Variants in SAMSN1 observed in about 807,000 individuals in gnomAD.
SAMSN1 encodes SAM domain, SH3 domain and nuclear localization signals 1.
SAMSN1 carries 31 observed loss-of-function variants against 42.0 expected under a neutral mutation model. The observed-to-expected ratio is 0.74, with a 90% CI of 0.55 to 1.00. The LOEUF is 1.00. Ranked by LOEUF, SAMSN1 falls within the 50% of genes least tolerant of loss-of-function variation. The pLI is 0.00. For synonymous variants in SAMSN1, 178 were observed against 151.9 expected, an observed-to-expected ratio of 1.17 and a Z score of -1.26; for missense variants, 464 against 439.4, an observed-to-expected ratio of 1.06 and a Z score of -0.50.
intron 5 of SAMSN1, among the ~76,000 whole-genome samples, chr21:14,504,219 C>A (rs1285851265): frequency 6.6e-6 from 1 of 152,144 alleles, no homozygotes; most frequent in African/African-American, 2.4e-5. Context: ...AAAAAAATCA[C>A]ACTAGCTCAC....
chr21:14,493,189 A>G (rs1986768056), intron 7 of SAMSN1, among the ~76,000 whole-genome samples: 1 of 152,186 alleles, frequency 6.6e-6, no homozygotes, highest in Non-Finnish European at 1.5e-5. Context: ...CACAGCTGGT[A>G]TCAACATTCT....
At chr21:14,536,613 T>C (rs1220619307) in intron 1 of SAMSN1, among the ~76,000 whole-genome samples, 1 of 152,182 alleles carries the variant, frequency 6.6e-6, no homozygotes, top group East Asian at 1.9e-4. Context: ...AGAGAAGTGG[T>C]CAAGGCTAAA....
chr21:14,615,581 T>A (rs1037330722), intron 3 of SAMSN1, among the ~76,000 whole-genome samples: 1 of 152,190 alleles, frequency 6.6e-6, no homozygotes, highest in African/African-American at 2.4e-5. Flanking sequence ...ATGTGCTGAA[T>A]GTAAAGCCAG....
At chr21:14,618,900 A>G (rs1982928826) in intron 2 of SAMSN1, among the ~76,000 whole-genome samples, 1 of 152,206 alleles carries the variant, frequency 6.6e-6, no homozygotes, top group Non-Finnish European at 1.5e-5. Context: ...CCTTTCATTC[A>G]CTAGGGAATG....
intron 3 of SAMSN1, among the ~76,000 whole-genome samples, chr21:14,514,736 G>C (rs1030322107): frequency 1.3e-5 from 2 of 152,056 alleles, no homozygotes; most frequent in African/African-American, 4.8e-5. Flanking sequence ...GGGAATACTG[G>C]ATGAGAAAAC....
At chr21:14,578,127 C>T (rs1981567701) in intron 2 of SAMSN1, among the ~76,000 whole-genome samples, 1 of 152,162 alleles carries the variant, frequency 6.6e-6, no homozygotes, top group South Asian at 2.1e-4. Context: ...AACACTATTT[C>T]ACTAAATTTT....
chr21:14,595,155 A>G (rs1484931521), intron 6 of SAMSN1, among the ~76,000 whole-genome samples: 2 of 152,018 alleles, frequency 1.3e-5, no homozygotes, highest in African/African-American at 4.8e-5. Flanking sequence ...TGATCTAATC[A>G]CCTCCTACCA....
At chr21:14,640,840 A>G (rs1400151693) in intron 2 of SAMSN1, among the ~76,000 whole-genome samples, 1 of 152,114 alleles carries the variant, frequency 6.6e-6, no homozygotes, top group Admixed American at 6.6e-5. Flanking sequence ...TTGTATGTAT[A>G]CATATATTTT....
At chr21:14,496,931 C>T (rs1049889810) in intron 7 of SAMSN1, among the ~76,000 whole-genome samples, 2 of 152,166 alleles carry the variant, frequency 1.3e-5, no homozygotes, top group African/African-American at 2.4e-5. Flanking sequence ...GTATAGGAAA[C>T]GTGTGCTCTA....
At chr21:14,637,686 T>G (rs1983500411) in intron 2 of SAMSN1, among the ~76,000 whole-genome samples, 1 of 152,148 alleles carries the variant, frequency 6.6e-6, no homozygotes, top group African/African-American at 2.4e-5. Flanking sequence ...TAATCTTGCT[T>G]GTTTTGGTCA....
At chr21:14,649,688 T>G (rs1263979346) in intron 1 of SAMSN1, among the ~76,000 whole-genome samples, 1 of 151,690 alleles carries the variant, frequency 6.6e-6, no homozygotes, top group East Asian at 1.9e-4. Flanking sequence ...GAGAATCTCT[T>G]GAACCCAGGA....
At chr21:14,590,236 G>GTTAGT (rs1310809100) in intron 7 of SAMSN1, among the ~76,000 whole-genome samples, 1 of 149,956 alleles carries the variant, frequency 6.7e-6, no homozygotes, top group Non-Finnish European at 1.5e-5. Flanking sequence ...GTGAAGATGT[G>GTTAGT]TTAGTTTTGT....
chr21:14,521,203 T>A lies in SAMSN1; in HGVS notation c.76A>T (p.Asn26Tyr), dbSNP rs762760590. 6 of 1,610,958 alleles carry A rather than the reference T, an allele frequency of 3.7e-6. No homozygotes were observed. In the South Asian group the frequency reaches 6.6e-5, roughly 18 times the overall value. ...QKPKRSSSFG[N>Y]FDRFRNNSLS... ...GAATTATTCCGAAAACGATCGAAAT[T>A]CCCAAAACTGCTGCTTCGCTATAAA... is the stretch of plus-strand genomic sequence containing the variant. The change falls in exon 2 of 8, where the codon AAT becomes TAT. Residue 26 changes from asparagine (N) to tyrosine (Y), a missense_variant. Asn to Tyr is a moderately radical substitution (Grantham distance 143). Coordinates refer to ENST00000400566, the MANE Select transcript of SAMSN1 (RefSeq NM_022136.5).
intron 1 of SAMSN1, among the ~76,000 whole-genome samples, chr21:14,526,295 T>A (rs1882914): frequency 0.77 from 116,723 of 152,156 alleles, 45,956 homozygotes; most frequent in East Asian, 1. Context: ...TTTTAATACA[T>A]CTAACTTTTC....
intron 2 of SAMSN1, among the ~76,000 whole-genome samples, chr21:14,635,829 T>C (rs1030605457): frequency 3.9e-5 from 6 of 152,026 alleles, no homozygotes; most frequent in African/African-American, 1.5e-4. Context: ...GAATTTATTA[T>C]TATTATTATT....
intron 2 of SAMSN1, among the ~76,000 whole-genome samples, chr21:14,561,554 T>G (rs1980947394): frequency 6.6e-6 from 1 of 152,152 alleles, no homozygotes; most frequent in East Asian, 1.9e-4. Context: ...TGACAGGTGT[T>G]AGTTTACAGC....
Position 14,574,816 on chromosome 21 carries a change from A to G in SAMSN1, c.261+7320T>C, listed in dbSNP as rs182931501. 9.5e-4 allele frequency among the ~76,000 whole-genome samples: 145 copies of G among 152,296 alleles called. 1 individual carries two copies. The highest frequency in any genetic ancestry group is 1.8e-3 in the Non-Finnish European group (121 of 67,998). On this transcript the variant is annotated intron_variant, in intron 2 of 8. Transcript: ENST00000285670. ...TTCATATTCAACCTAAGGAATTTCC[A>G]TAAACCTGACATCTTCTACTATTAT...
intron 5 of SAMSN1, among the ~76,000 whole-genome samples, chr21:14,607,053 T>G (rs1982588469): frequency 6.6e-6 from 1 of 152,216 alleles, no homozygotes; most frequent in South Asian, 2.1e-4. Flanking sequence ...TAAGATTGCT[T>G]AGGAGTTAAT....
chr21:14,543,966 A>G (rs534731969), intron 1 of SAMSN1, among the ~76,000 whole-genome samples: 5 of 152,236 alleles, frequency 3.3e-5, no homozygotes, highest in Non-Finnish European at 7.4e-5. Context: ...TCTAGACACA[A>G]TTTCTCTTCA....
Sources: gnomAD v4.1 joint callset for allele counts (sites outside exome capture counted in the v4.1 genomes callset) on GRCh38, gnomAD v4.1.1 for gene constraint, MANE v1.5 for transcripts, NCBI Gene and HGNC (gene_info 2026-07-23, HGNC 2026-07-21) for gene names.